PCDHA13: variants seen among roughly 807,000 people sequenced by gnomAD.
The protein encoded by PCDHA13 is protocadherin alpha 13.
A neutral mutation model predicts 64.8 loss-of-function variants in PCDHA13; 54 were observed. The observed-to-expected ratio is 0.83, with a 90% CI of 0.67 to 1.04. The LOEUF is 1.04. Among genes scored for constraint, PCDHA13 ranks in the 50% least tolerant of loss-of-function variants. The pLI is 0.00. For synonymous variants in PCDHA13, 587 were observed against 564.4 expected (o/e 1.04, Z -0.57); for missense variants, 1,248 against 1,254.3 (o/e 0.99, Z 0.08).
At chr5:140,925,257 C>A (rs1336613869) in intron 1 of PCDHA13, among the ~76,000 whole-genome samples, 2 of 152,110 alleles carry the variant, frequency 1.3e-5, no homozygotes, top group East Asian at 3.8e-4. Context: ...AACTTTAATT[C>A]TTGATCTGTG....
intron 3 of PCDHA13, among the ~76,000 whole-genome samples, chr5:140,985,188 C>T (rs1186148399): frequency 6.6e-6 from 1 of 152,192 alleles, no homozygotes; most frequent in African/African-American, 2.4e-5. Context: ...CCGCCTGCCT[C>T]GGTCTCCCAA....
At chr5:140,967,820 C>A (rs1162525542) in intron 1 of PCDHA13, 29 of 1,614,052 alleles carry the variant, frequency 1.8e-5, no homozygotes, top group Non-Finnish European at 2.5e-5. Context: ...CTGCAAGGTG[C>A]TGGTGGACAT....
chr5:140,997,409 A>G (rs1378198322), intron 3 of PCDHA13, among the ~76,000 whole-genome samples: 2 of 152,180 alleles, frequency 1.3e-5, no homozygotes, highest in Non-Finnish European at 1.5e-5. Flanking sequence ...CGTATGGCCT[A>G]TTTCTCCTAG....
intron 1 of PCDHA13, among the ~76,000 whole-genome samples, chr5:140,903,637 A>G (rs1290449623): frequency 1.3e-5 from 2 of 152,240 alleles, no homozygotes; most frequent in Non-Finnish European, 1.5e-5. Flanking sequence ...GTATGCATAT[A>G]CCATATACAT....
At chr5:140,920,959 T>G (rs2079949518) in intron 1 of PCDHA13, among the ~76,000 whole-genome samples, 1 of 152,072 alleles carries the variant, frequency 6.6e-6, no homozygotes, top group Non-Finnish European at 1.5e-5. Flanking sequence ...ACTACACATG[T>G]AGTACTAGAG....
chr5:140,956,259 A>G (rs534711265), intron 1 of PCDHA13, among the ~76,000 whole-genome samples: 1 of 152,252 alleles, frequency 6.6e-6, no homozygotes, highest in African/African-American at 2.4e-5. Flanking sequence ...GGTTTTGCCC[A>G]TTCAGTGTGG....
At position 140,900,403 on chromosome 5, in the gene PCDHA13, A is replaced by G. The variant is rs569079456; in HGVS notation, c.2394+15741A>G. ...AGCGATTCTCCTGCCTCAGCCTCCC[A>G]AGTAGCTGGGATTATAGGCACGTGC... On this transcript the variant is annotated intron_variant, in intron 1 of 3. Coordinates refer to ENST00000289272, the MANE Select transcript of PCDHA13 (RefSeq NM_018904.3). 2.4e-3 allele frequency among the ~76,000 whole-genome samples: 360 copies of G among 152,066 alleles called. 1 individual carries two copies. Among genetic ancestry groups the G allele is most frequent in the African/African-American group, 8.1e-3 (336 of 41,500 alleles).
At chr5:140,989,546 CT>C (rs1343132361) in intron 3 of PCDHA13, among the ~76,000 whole-genome samples, 1 of 152,140 alleles carries the variant, frequency 6.6e-6, no homozygotes, top group African/African-American at 2.4e-5. Context: ...TTTGTAATTC[CT>C]TTACGTTTTG....
At chr5:140,927,973 C>G (rs77078209) in intron 1 of PCDHA13, 1 of 1,614,216 alleles carries the variant, frequency 6.2e-7, no homozygotes, top group Non-Finnish European at 8.5e-7. Context: ...AGTGATTGCT[C>G]TCTTTAGTGT....
At chr5:140,943,796 C>T (rs2093568961) in intron 1 of PCDHA13, among the ~76,000 whole-genome samples, 1 of 152,032 alleles carries the variant, frequency 6.6e-6, no homozygotes, top group Non-Finnish European at 1.5e-5. Flanking sequence ...TTATGCAAAG[C>T]AAAAGAGGAA....
In PCDHA13 at chr5:141,010,033, G is replaced by A. The variant is rs2098415819; in HGVS notation, c.*96G>A. 1.9e-6 allele frequency: 3 copies of A among 1,581,924 alleles called. No homozygotes were observed. The South Asian group carries it at 3.6e-5, about 19-fold the overall frequency. ...CCCTGCTCCTTTTTCCTATCTACAT[G>A]AGCCCTCTTAGAGACCTCAGAAATC... On this transcript the variant is annotated 3_prime_UTR_variant, in exon 4 of 4. Transcript: ENST00000289272.
chr5:140,899,197 A>G (rs1300452676), intron 1 of PCDHA13, among the ~76,000 whole-genome samples: 2 of 152,018 alleles, frequency 1.3e-5, no homozygotes, highest in Admixed American at 6.6e-5. Context: ...TCTCCTGCCT[A>G]ATTGCCCTGG....
chr5:140,895,500 G>A (rs1554186539), intron 1 of PCDHA13, among the ~76,000 whole-genome samples: 2 of 152,046 alleles, frequency 1.3e-5, no homozygotes, highest in African/African-American at 2.4e-5. Context: ...CAGAACTTTT[G>A]CCCAATTTTT....
intron 3 of PCDHA13, among the ~76,000 whole-genome samples, chr5:140,987,826 G>T (rs1481540038): frequency 6.6e-6 from 1 of 152,014 alleles, no homozygotes; most frequent in Non-Finnish European, 1.5e-5. Flanking sequence ...TTTCCTTAGG[G>T]GATTGCTTTT....
rs781898009 is a variant in PCDHA13, at chr5:140,883,898, C to A, written c.1630C>A (p.Pro544Thr). 6.2e-7 allele frequency: 1 copy of A among 1,613,344 alleles called. No individual in the cohort carries two copies. The highest frequency in any genetic ancestry group is 1.1e-5 in the South Asian group (1 of 91,060). Residue 544 changes from proline to threonine, a missense_variant, in exon 1 of 4, where the codon CCT becomes ACT. Pro to Thr is a conservative substitution (Grantham distance 38). Transcript: ENST00000289272. ...GAGCGCGCGCGACTCTGGCGTGCCG[C>A]CTCTGGGCAGCAACGTGACGCTGCA... Reference protein sequence around the residue: ...QVSARDSGVPPLGSNVTLQVF... With the variant: ...QVSARDSGVPTLGSNVTLQVF...
chr5:140,998,446 T>C (rs1266567801), intron 3 of PCDHA13, among the ~76,000 whole-genome samples: 1 of 152,248 alleles, frequency 6.6e-6, no homozygotes, highest in African/African-American at 2.4e-5. Flanking sequence ...TTATTGTATT[T>C]ATTCATTTAC....
At chr5:140,971,292 T>C (rs1194622162) in intron 1 of PCDHA13, among the ~76,000 whole-genome samples, 1 of 152,210 alleles carries the variant, frequency 6.6e-6, no homozygotes, top group Non-Finnish European at 1.5e-5. Flanking sequence ...TAATATGTAC[T>C]TTGGTACACA....
intron 1 of PCDHA13, among the ~76,000 whole-genome samples, chr5:140,941,955 A>G (rs1424348103): frequency 1.3e-5 from 2 of 152,216 alleles, no homozygotes; most frequent in Non-Finnish European, 2.9e-5. Flanking sequence ...TTTGAAAACA[A>G]TAGTATCTTT....
chr5:140,938,899 A>C (rs1175857132), intron 1 of PCDHA13, among the ~76,000 whole-genome samples: 1 of 151,886 alleles, frequency 6.6e-6, no homozygotes, highest in Non-Finnish European at 1.5e-5. Flanking sequence ...ACAGATGCGC[A>C]CACACACACA....
Sources: gnomAD v4.1 joint callset for allele counts (sites outside exome capture counted in the v4.1 genomes callset) on GRCh38, gnomAD v4.1.1 for gene constraint, MANE v1.5 for transcripts, NCBI Gene and HGNC (gene_info 2026-07-23, HGNC 2026-07-21) for gene names.